The following PHIP variants were observed in gnomAD, a reference collection of about 807,000 sequenced individuals.
The protein encoded by PHIP is PH-interacting protein.
Under a neutral mutation model 236.8 loss-of-function variants are expected in PHIP, and 54 were observed. The observed-to-expected ratio is 0.23, with a 90% CI of 0.18 to 0.29. The LOEUF is 0.29. PHIP is among the 10% of genes least tolerant of loss of function. The pLI is 1.00. For missense variants in PHIP, 1,370 were observed against 2,190.8 expected, an observed-to-expected ratio of 0.63 and a Z score of 7.48; for synonymous variants, 756 against 718.9, an observed-to-expected ratio of 1.05 and a Z score of -0.83.
intron 4 of PHIP, chr6:79,067,556 T>G (rs1476021173): frequency 6.6e-6 from 1 of 152,234 alleles, no homozygotes; most frequent in Non-Finnish European, 1.5e-5. Flanking sequence ...ATATACTATC[T>G]CCATTGCATG....
At chr6:78,947,797 G>A in intron 35 of PHIP, 22 bp from the exon 36 acceptor site, 1 of 1,570,724 alleles carries the variant, frequency 6.4e-7, no homozygotes, top group Middle Eastern at 1.7e-4. Context: ...AAAACAGGTG[G>A]TGTTATGATT....
rs1013278070 is a variant in PHIP, at chr6:79,040,436, G to T, written c.600+2407C>A. 2.0e-5 allele frequency among the ~76,000 whole-genome samples: 3 copies of T among 152,038 alleles called. No individual in the cohort carries two copies. In the East Asian group the frequency reaches 5.8e-4, roughly 29 times the overall value. ...AATATCTTAGAAATAAATCTGCAAG[G>T]TCTTAAAATACCAATTATATAAAAA... On this transcript the variant is annotated intron_variant, in intron 7 of 39. Transcript: ENST00000275034.
chr6:79,072,527 G>A (rs747129169), intron 4 of PHIP, among the ~76,000 whole-genome samples: 2 of 151,610 alleles, frequency 1.3e-5, no homozygotes, highest in African/African-American at 4.8e-5. Flanking sequence ...TGTCACCCAC[G>A]CTGGAGGGCA....
chr6:79,062,921 T>C (rs1345032233), intron 4 of PHIP, among the ~76,000 whole-genome samples: 2 of 152,212 alleles, frequency 1.3e-5, no homozygotes, highest in Non-Finnish European at 2.9e-5. Flanking sequence ...ACACCACCTG[T>C]GCCCCTTTTT....
At chr6:78,971,801 G>A (rs559206587) in intron 24 of PHIP, among the ~76,000 whole-genome samples, 6 of 152,272 alleles carry the variant, frequency 3.9e-5, no homozygotes, top group East Asian at 1.9e-4. Context: ...ACTCCCACCC[G>A]AATACTGCGC....
intron 4 of PHIP, among the ~76,000 whole-genome samples, chr6:79,069,659 T>C (rs749250956): frequency 3.3e-5 from 5 of 152,190 alleles, no homozygotes; most frequent in African/African-American, 4.8e-5. Context: ...CATCGACACG[T>C]AGATTTGATT....
chr6:79,040,324 A>T (rs922289149), intron 7 of PHIP, among the ~76,000 whole-genome samples: 1 of 152,148 alleles, frequency 6.6e-6, no homozygotes, highest in Non-Finnish European at 1.5e-5. Flanking sequence ...GATGCTTTTA[A>T]CCACAGTACT....
Position 79,037,221 on chromosome 6 carries a change from T to C in PHIP, c.600+5622A>G, listed in dbSNP as rs954271175. Among the ~76,000 whole-genome samples, 19 of 152,186 alleles carry C rather than the reference T, an allele frequency of 1.2e-4. 1 individual carries two copies. The highest frequency in any genetic ancestry group is 1.2e-3 in the Admixed American group (19 of 15,276). On this transcript the variant is annotated intron_variant, in intron 7 of 39. Transcript: ENST00000275034. Reference sequence around the variant, plus strand: ...TTCAATTTGGAATACTTTCTCAGGCTTTCTCTTTCATGTCCTCAGCAGGTT... The same window carrying C: ...TTCAATTTGGAATACTTTCTCAGGCCTTCTCTTTCATGTCCTCAGCAGGTT...
At chr6:78,983,605 T>G (rs993668266) in intron 22 of PHIP, among the ~76,000 whole-genome samples, 2 of 152,242 alleles carry the variant, frequency 1.3e-5, no homozygotes, top group Middle Eastern at 3.4e-3. Flanking sequence ...ACTAGTGCTC[T>G]CAGGGTAGCT....
At chr6:79,000,019 A>G (rs532324173) in intron 17 of PHIP, among the ~76,000 whole-genome samples, 1 of 152,182 alleles carries the variant, frequency 6.6e-6, no homozygotes, top group South Asian at 2.1e-4. Context: ...TGCCAATACA[A>G]CAAGCTAATT....
intron 6 of PHIP, among the ~76,000 whole-genome samples, chr6:79,044,828 AGAT>A (rs1772395382): frequency 6.6e-6 from 1 of 152,182 alleles, no homozygotes; most frequent in Non-Finnish European, 1.5e-5. Context: ...TAAAAATCGG[AGAT>A]GATAAAGTAT....
chr6:79,042,746 A>G, intron 7 of PHIP, 97 bp downstream of exon 7: 1 of 871,214 alleles, frequency 1.1e-6, no homozygotes. Context: ...TTTCCTATTA[A>G]AAGAAAAAAA....
chr6:78,955,198 T>G, intron 34 of PHIP, 34 bp downstream of exon 34: 1 of 1,451,552 alleles, frequency 6.9e-7, no homozygotes, highest in Non-Finnish European at 9.6e-7. Context: ...TTAATTCATA[T>G]AAAGTACTTC....
intron 4 of PHIP, among the ~76,000 whole-genome samples, chr6:79,068,333 C>T (rs575121627): frequency 1.1e-4 from 16 of 152,220 alleles, no homozygotes; most frequent in South Asian, 8.3e-4. Context: ...CGTGGTGGCA[C>T]GTGCCTGTAG....
intron 15 of PHIP, among the ~76,000 whole-genome samples, chr6:79,007,654 C>CTTTTTT (rs35415106): frequency 7.7e-5 from 9 of 116,638 alleles, no homozygotes; most frequent in African/African-American, 1.3e-4. Flanking sequence ...ATGTCTTGTT[C>CTTTTTT]TTTTTTTTTT....
chr6:78,961,923 G>T, intron 30 of PHIP, 113 bp from the exon 31 acceptor site: 1 of 749,210 alleles, frequency 1.3e-6, no homozygotes, highest in Non-Finnish European at 2.1e-6. Context: ...TCATTAGTCT[G>T]CCACTGTCTT....
intron 6 of PHIP, among the ~76,000 whole-genome samples, chr6:79,046,683 C>T (rs370101137): frequency 1.4e-4 from 22 of 152,122 alleles, no homozygotes; most frequent in African/African-American, 5.1e-4. Flanking sequence ...TCGAGACCAG[C>T]CTGGCCAACA....
At chr6:79,048,583 C>T (rs1772619631) in intron 6 of PHIP, among the ~76,000 whole-genome samples, 2 of 151,808 alleles carry the variant, frequency 1.3e-5, no homozygotes, top group South Asian at 4.2e-4. Context: ...AATAAATTAC[C>T]CAAGATCAAA....
intron 9 of PHIP, among the ~76,000 whole-genome samples, chr6:79,021,233 G>A (rs1410205789): frequency 1.3e-5 from 2 of 152,158 alleles, no homozygotes; most frequent in African/African-American, 4.8e-5. Flanking sequence ...TGCAACCTCT[G>A]CCTCCCAGGT....
Sources: gnomAD v4.1 joint callset for allele counts (sites outside exome capture counted in the v4.1 genomes callset) on GRCh38, gnomAD v4.1.1 for gene constraint, MANE v1.5 for transcripts, NCBI Gene and HGNC (gene_info 2026-07-23, HGNC 2026-07-21) for gene names.